The following RNF17 variants were observed in gnomAD, a reference collection of about 807,000 sequenced individuals.
RNF17 encodes the protein spermatogenesis associated 23.
RNF17 carries 31 observed loss-of-function variants against 200.5 expected under a neutral mutation model. The ratio of observed to expected loss-of-function variants is 0.15; its 90% CI spans 0.12 to 0.21. The LOEUF is 0.21. Ranked by LOEUF, RNF17 falls within the 10% of genes least tolerant of loss-of-function variation. The pLI, the probability that RNF17 is intolerant of heterozygous loss-of-function variation, is 1.00. For missense variants in RNF17, 1,628 were observed against 1,905.1 expected (o/e 0.85, Z 2.71); for synonymous variants, 606 against 637.8 (o/e 0.95, Z 0.75).
chr13:24,850,247 A>AT, intron 22 of RNF17, 94 bp from the exon 23 acceptor site: 2 of 686,486 alleles, frequency 2.9e-6, no homozygotes, highest in Non-Finnish European at 4.9e-6. Context: ...GGTTCAAACT[A>AT]TGAGTGTATC....
the RNF17 span, chr13:24,885,432 C>G: frequency 1.3e-5 from 18 of 1,377,448 alleles, no homozygotes; most frequent in Admixed American, 1.5e-4. Flanking sequence ...ACTCTTACTT[C>G]CAAAGCCAGA....
At chr13:24,881,870 A>G (rs200112196), downstream of RNF17, among the ~76,000 whole-genome samples, 9,091 of 69,810 alleles carry the variant, frequency 0.13, 137 homozygotes, top group Admixed American at 0.15. Flanking sequence ...ATATATAGAT[A>G]CATCTATATA....
At chr13:24,754,356 C>T in the RNF17 span, among the ~76,000 whole-genome samples, 2 of 152,074 alleles carry the variant, frequency 1.3e-5, no homozygotes, top group South Asian at 4.2e-4. Context: ...GACATACAGG[C>T]CAGGTCTCAC....
chr13:24,787,005 A>G lies in RNF17; in HGVS notation c.612-983A>G, dbSNP rs79635475. ...CCTTAGACTCTGTTTACTTCTCTTC[A>G]TTGTTGTTTTTATTTTTTTCAGGCT... On this transcript the variant is annotated intron_variant, in intron 6 of 35. Transcript: ENST00000255324. 5.3e-3 allele frequency among the ~76,000 whole-genome samples: 809 copies of G among 151,394 alleles called. 22 individuals are homozygous for G. The East Asian group carries it at 0.082, about 15-fold the overall frequency.
intron 15 of RNF17, among the ~76,000 whole-genome samples, chr13:24,813,253 A>G (rs146289230): frequency 3.7e-4 from 56 of 151,978 alleles, no homozygotes; most frequent in Middle Eastern, 3.4e-3. Flanking sequence ...TCAATCTCCT[A>G]GGCTCAAGGG....
At chr13:24,754,688 G>A in the RNF17 span, among the ~76,000 whole-genome samples, 1 of 152,096 alleles carries the variant, frequency 6.6e-6, no homozygotes, top group South Asian at 2.1e-4. Context: ...ACCAGGGTTT[G>A]AGACTAGCCT....
intron 25 of RNF17, among the ~76,000 whole-genome samples, chr13:24,855,030 AT>A (rs998195434): frequency 2.0e-5 from 3 of 152,006 alleles, no homozygotes; most frequent in Non-Finnish European, 4.4e-5. Context: ...CACTAAACAA[AT>A]TTTTTAGGTT....
At chr13:24,814,030 A>C (rs1265020304) in intron 15 of RNF17, among the ~76,000 whole-genome samples, 1 of 152,010 alleles carries the variant, frequency 6.6e-6, no homozygotes, top group Non-Finnish European at 1.5e-5. Context: ...AGCCTTAATA[A>C]TATATAAACA....
Position 24,851,549 on chromosome 13 carries a change from G to T in RNF17, c.3298G>T (p.Gly1100Cys). ...VDVSKYLIKK[G>C]LALRERRINN... ...TGTTTCTAAATATTTGATTAAAAAG[G>T]GTTTGGCTTTGAGAGAAAGGAGGTA... Residue 1100 changes from glycine (G) to cysteine (C), a missense_variant, in exon 24 of 36, where the codon GGT becomes TGT. Transcript: ENST00000255324. The T allele has an allele frequency of 6.2e-7, 1 of 1,610,946 alleles. No homozygotes were observed. The highest frequency in any genetic ancestry group is 8.5e-7 in the Non-Finnish European group (1 of 1,179,138).
intron 33 of RNF17, among the ~76,000 whole-genome samples, chr13:24,874,977 A>G (rs1453715513): frequency 1.3e-5 from 2 of 152,220 alleles, no homozygotes; most frequent in Admixed American, 1.3e-4. Context: ...TTTCAATAGC[A>G]TAATTTTTAA....
At chr13:24,754,996 C>T in the RNF17 span, among the ~76,000 whole-genome samples, 7 of 151,824 alleles carry the variant, frequency 4.6e-5, no homozygotes, top group Non-Finnish European at 1.0e-4. Context: ...CCGAGAACTA[C>T]ATATAATTTA....
At position 24,811,235 on chromosome 13, in the gene RNF17, G is replaced by A. The variant is rs1325703720; in HGVS notation, c.2091+6806G>A. 2.0e-5 allele frequency among the ~76,000 whole-genome samples: 3 copies of A among 151,388 alleles called. No homozygotes were observed. In the East Asian group the frequency reaches 5.8e-4, roughly 29 times the overall value. ...TCTCCTGGATAATATCCTGCAGAGT[G>A]TTTTCCAACTTGGTTCCATTCTCCC... On this transcript the variant is annotated intron_variant, in intron 15 of 35. Transcript: ENST00000255324.
chr13:24,870,599 C>T lies in RNF17; in HGVS notation c.4307C>T (p.Thr1436Ile), dbSNP rs758943953. The change falls in exon 32 of 36, where the codon ACT becomes ATT. Residue 1436 changes from threonine (T) to isoleucine (I), a missense_variant. Transcript: ENST00000255324. ...TATATTTGCCTTGATTCTATAGAAACTTCTAACCAGTCTAACCAGCATAGT... is the reference window on the plus strand; with the variant it reads ...TATATTTGCCTTGATTCTATAGAAATTTCTAACCAGTCTAACCAGCATAGT... Reference protein sequence around the residue: ...EVYICLDSIETSNQSNQHSDT... With the variant: ...EVYICLDSIEISNQSNQHSDT... 3.7e-6 allele frequency: 6 copies of T among 1,613,638 alleles called. No homozygotes were observed. The highest frequency in any genetic ancestry group is 1.3e-5 in the African/African-American group (1 of 74,898).
chr13:24,747,804 C>G, the RNF17 span, among the ~76,000 whole-genome samples: 1 of 152,258 alleles, frequency 6.6e-6, no homozygotes, highest in Non-Finnish European at 1.5e-5. Flanking sequence ...GCATTTCCAG[C>G]CAGGGCGCAC....
intron 10 of RNF17, among the ~76,000 whole-genome samples, chr13:24,795,572 A>G (rs2137677303): frequency 6.6e-6 from 1 of 152,008 alleles, no homozygotes; most frequent in African/African-American, 2.4e-5. Context: ...TACTCACCCC[A>G]CCAAAAAGCA....
At chr13:24,885,630 A>C in the RNF17 span, 1 of 1,612,904 alleles carries the variant, frequency 6.2e-7, no homozygotes, top group Non-Finnish European at 8.5e-7. Flanking sequence ...AATTGCCTAA[A>C]TCACGAGGAG....
chr13:24,771,945 A>C (rs1355767399), intron 2 of RNF17, among the ~76,000 whole-genome samples: 1 of 152,060 alleles, frequency 6.6e-6, no homozygotes, highest in Non-Finnish European at 1.5e-5. Context: ...CGGAGGTTGC[A>C]GTGAGCCGAG....
chr13:24,754,659 G>T, the RNF17 span, among the ~76,000 whole-genome samples: 1 of 152,144 alleles, frequency 6.6e-6, no homozygotes, highest in South Asian at 2.1e-4. Context: ...GGAGGCTGAG[G>T]CTGGGCAGAT....
intron 29 of RNF17, among the ~76,000 whole-genome samples, chr13:24,865,227 C>T (rs1893495653): frequency 6.6e-6 from 1 of 152,140 alleles, no homozygotes; most frequent in Admixed American, 6.5e-5. Flanking sequence ...GTTTCTGTAC[C>T]TTCAAACCTA....
Sources: allele counts gnomAD v4.1 joint callset (sites outside exome capture counted in the v4.1 genomes callset), GRCh38; gene constraint gnomAD v4.1.1; transcripts MANE v1.5; gene names NCBI Gene and HGNC (gene_info 2026-07-23, HGNC 2026-07-21).